TPI1: variants seen among roughly 807,000 people sequenced by gnomAD.
The protein encoded by TPI1 is triosephosphate isomerase 1, also known as triosephosphate isomerase.
TPI1 carries 11 observed loss-of-function variants against 31.0 expected under a neutral mutation model. That is an observed-to-expected ratio of 0.36 (90% CI 0.22 to 0.59). The LOEUF (loss-of-function observed/expected upper bound fraction) is 0.59, where lower values mean the gene tolerates loss of function less well. TPI1 is among the 20% of genes least tolerant of loss of function. The pLI is 0.79. For missense variants in TPI1, 245 were observed against 319.7 expected (o/e 0.77, Z 1.78); for synonymous variants, 121 against 122.8 (o/e 0.99, Z 0.10).
chr12:6,869,480 A>G, intron 4 of TPI1, 90 bp downstream of exon 4: 1 of 1,593,926 alleles, frequency 6.3e-7, no homozygotes, highest in Non-Finnish European at 8.6e-7. Flanking sequence ...CTTGGTCCCC[A>G]TGCTGATCCA....
At position 6,869,846 on chromosome 12, in the gene TPI1, G is replaced by A. The variant is rs2071069; in HGVS notation, c.543+73G>A. Reference sequence around the variant, plus strand: ...GTTTGGACAGACACAGCCCACATGGGGCAACCCCTTATTTCAAAGACACAG... The same window carrying A: ...GTTTGGACAGACACAGCCCACATGGAGCAACCCCTTATTTCAAAGACACAG... On this transcript the variant is annotated intron_variant, in intron 5 of 6. Transcript: ENST00000396705. 0.28 allele frequency: 435,054 copies of A among 1,543,372 alleles called. 63,202 individuals are homozygous for A. Among genetic ancestry groups the A allele is most frequent in the African/African-American group, 0.41 (29,973 of 73,494 alleles).
chr12:6,868,175 C>T (rs1944501592), intron 1 of TPI1: 2 of 1,288,466 alleles, frequency 1.6e-6, no homozygotes, highest in African/African-American at 3.0e-5. Context: ...AGATCTGACC[C>T]CTTCCCTTCG....
chr12:6,868,357 T>A, intron 1 of TPI1: 3 of 1,287,824 alleles, frequency 2.3e-6, no homozygotes, highest in Non-Finnish European at 3.0e-6. Context: ...GATGCTCTCC[T>A]CCATCCTCCT....
At chr12:6,867,755 G>A in intron 1 of TPI1, 74 bp downstream of exon 1, 1 of 1,339,754 alleles carries the variant, frequency 7.5e-7, no homozygotes, top group Middle Eastern at 2.4e-4. Context: ...GCCCTCTCCC[G>A]AGGCCCCGAG....
rs1048689214 is a variant in TPI1, at chr12:6,868,032, G to A, written c.115+351G>A. ...GCTCTGCGGGAGACCGGGGGAGGCT[G>A]GGCCGCGTGGGCTTCCCGCTCCCTG... On this transcript the variant is annotated intron_variant, in intron 1 of 6. Transcript: ENST00000396705. The A allele has an allele frequency of 2.6e-5, 31 of 1,213,868 alleles. No homozygotes were observed. The Admixed American group carries it at 1.1e-3, about 43-fold the overall frequency. 75.2% of individuals were successfully genotyped at this position (1,213,868 alleles called of 1,614,324 possible). A position where few individuals can be genotyped will look rare whatever the true frequency, so the allele number is the denominator to read the frequency against.
rs782063657 is a variant in TPI1, at chr12:6,867,561, A to C, written c.-6A>C. 6.8e-6 allele frequency: 11 copies of C among 1,612,008 alleles called. No homozygotes were observed. The Middle Eastern group carries it at 6.6e-4, about 97-fold the overall frequency. On this transcript the variant is annotated 5_prime_UTR_variant, in exon 1 of 7. Transcript: ENST00000396705. ...CACTGACCTTCAGCGCCTCGGCTCC[A>C]GCGCCATGGCGCCCTCCAGGAAGTT...
chr12:6,870,192 C>T lies in TPI1; in HGVS notation c.631+56C>T, dbSNP rs369053812. 6.9e-6 allele frequency: 11 copies of T among 1,602,866 alleles called. No individual in the cohort carries two copies. The African/African-American group carries it at 1.3e-4, about 19-fold the overall frequency. On this transcript the variant is annotated intron_variant, in intron 6 of 6. Coordinates refer to ENST00000396705, the MANE Select transcript of TPI1 (RefSeq NM_000365.6). ...AGTGGGCTGAGGACTAGACTGAGCC[C>T]TCGGACATGGAGGTGGGGATGGGGC...
chr12:6,867,752 C>T (rs1944489756), intron 1 of TPI1, 71 bp downstream of exon 1: 1 of 1,328,314 alleles, frequency 7.5e-7, no homozygotes, highest in African/African-American at 1.6e-5. Context: ...AGCGCCCTCT[C>T]CCGAGGCCCC....
chr12:6,868,628 G>GT, intron 1 of TPI1: 4 of 1,362,842 alleles, frequency 2.9e-6, no homozygotes, highest in Non-Finnish European at 3.9e-6. Context: ...TAAAAGAGCA[G>GT]AGGGCAGGGT....
At position 6,870,349 on chromosome 12, in the gene TPI1, C is replaced by T; in HGVS notation, c.716C>T (p.Pro239Leu). 6.2e-7 allele frequency: 1 copy of T among 1,614,030 alleles called. No homozygotes were observed. The highest frequency in any genetic ancestry group is 8.5e-7 in the Non-Finnish European group (1 of 1,179,988). Reference sequence around the variant, plus strand: ...CTTGTGGGTGGTGCTTCCCTCAAGCCCGAATTCGTGGACATCATCAATGCC... The same window carrying T: ...CTTGTGGGTGGTGCTTCCCTCAAGCTCGAATTCGTGGACATCATCAATGCC... ...GFLVGGASLK[P>L]EFVDIINAKQ is the part of the protein sequence containing the mutation. The change falls in exon 7 of 7, where the codon CCC becomes CTC. Residue 239 changes from proline to leucine, a missense_variant. This residue lies in a region of TPI1 where 127 missense variants were observed against 163.7 expected (regional missense o/e 0.78). Transcript: ENST00000396705.
Position 6,870,711 on chromosome 12 carries a change from T to G in TPI1, c.*328T>G, listed in dbSNP as rs782682981. ...AGAAGAGAAACCATCCTCTCCCTTCTTACACCGTGAGGCCAAGATCCCCTC... is the reference window on the plus strand; with the variant it reads ...AGAAGAGAAACCATCCTCTCCCTTCGTACACCGTGAGGCCAAGATCCCCTC... On this transcript the variant is annotated 3_prime_UTR_variant, in exon 7 of 7. Transcript: ENST00000396705. The G allele has an allele frequency of 1.3e-4, 73 of 567,072 alleles. 1 individual carries two copies. The highest frequency in any genetic ancestry group is 2.2e-4 in the Non-Finnish European group (64 of 293,586). 35.1% of individuals were successfully genotyped at this position (567,072 alleles called of 1,614,324 possible).
intron 4 of TPI1, 46 bp from the exon 5 acceptor site, chr12:6,869,642 C>T: frequency 6.2e-7 from 1 of 1,605,104 alleles, no homozygotes. Context: ...GGCTGGAGAG[C>T]TCTTTCTTGT....
chr12:6,870,156 G>C lies in TPI1; in HGVS notation c.631+20G>C. 6.2e-7 allele frequency: 1 copy of C among 1,612,038 alleles called. No homozygotes were observed. The highest frequency in any genetic ancestry group is 8.5e-7 in the Non-Finnish European group (1 of 1,178,126). ...ATGGAGGTGAGTGGCTTTGGTTCCCGGCTGAGGTGGAGTGGGCTGAGGACT... is the reference window on the plus strand; with the variant it reads ...ATGGAGGTGAGTGGCTTTGGTTCCCCGCTGAGGTGGAGTGGGCTGAGGACT... On this transcript the variant is annotated intron_variant, in intron 6 of 6. Coordinates refer to ENST00000396705, the MANE Select transcript of TPI1 (RefSeq NM_000365.6).
At chr12:6,868,745 G>A (rs1944514212) in intron 1 of TPI1, 119 bp from the exon 2 acceptor site, 4 of 1,480,432 alleles carry the variant, frequency 2.7e-6, no homozygotes, top group Non-Finnish European at 1.8e-6. Flanking sequence ...TGAAAAGGGG[G>A]AGAGCAGAAC....
intron 4 of TPI1, 89 bp from the exon 5 acceptor site, chr12:6,869,599 G>C (rs1356577870): frequency 2.6e-6 from 4 of 1,527,448 alleles, no homozygotes; most frequent in Non-Finnish European, 3.6e-6. Context: ...CTAGGGGGCA[G>C]TAGGCCACCG....
Position 6,867,669 on chromosome 12 carries a change from C to G in TPI1, c.103C>G (p.Pro35Ala), listed in dbSNP as rs1555131572. Residue 35 changes from proline (P) to alanine (A), a missense_variant, in exon 1 of 7, where the codon CCG (proline) becomes GCG (alanine). Physicochemically the swap from Pro to Ala is conservative, Grantham distance 27 (BLOSUM62 -1). Transcript: ENST00000396705. ...LIGTLNAAKV[P>A]ADTEVVCAPP... Reference sequence around the variant, plus strand: ...CGGCACTCTGAACGCGGCCAAGGTGCCGGCCGACACCGGTAAGCCCTCGCC... The same window carrying G: ...CGGCACTCTGAACGCGGCCAAGGTGGCGGCCGACACCGGTAAGCCCTCGCC... The G allele has an allele frequency of 1.2e-6, 2 of 1,609,136 alleles. No individual in the cohort carries two copies. The highest frequency in any genetic ancestry group is 3.3e-5 in the Admixed American group (2 of 59,744).
At position 6,870,902 on chromosome 12, in the gene TPI1, T is replaced by C. The variant is rs377186570; in HGVS notation, c.*519T>C. 231 of 620,728 alleles carry C rather than the reference T, an allele frequency of 3.7e-4. 3 individuals are homozygous for C. The East Asian group carries it at 7.4e-3, about 20-fold the overall frequency. 38.5% of individuals were successfully genotyped at this position (620,728 alleles called of 1,614,324 possible). ...TTTGAGGCAGCTATATAAATGATCATTTGTGCAAGAAAAAAAAAAAAACAA... is the reference window on the plus strand; with the variant it reads ...TTTGAGGCAGCTATATAAATGATCACTTGTGCAAGAAAAAAAAAAAAACAA... On this transcript the variant is annotated 3_prime_UTR_variant, in exon 7 of 7. Coordinates refer to ENST00000396705, the MANE Select transcript of TPI1 (RefSeq NM_000365.6).
intron 1 of TPI1, chr12:6,868,271 A>C (rs1555131850): frequency 7.8e-7 from 1 of 1,287,514 alleles, no homozygotes; most frequent in East Asian, 5.5e-5. Flanking sequence ...GAGCCATCCT[A>C]CCGCTTTCCC....
chr12:6,867,454 C>T (rs1196146085), upstream of TPI1: 3 of 1,515,300 alleles, frequency 2.0e-6, no homozygotes, highest in Admixed American at 2.0e-5. Context: ...ACTGGGCGGG[C>T]CATGGCGGAG....
Sources: allele counts gnomAD v4.1 joint callset, GRCh38; gene constraint gnomAD v4.1.1; regional missense constraint gnomAD v4.1.1; transcripts MANE v1.5; gene names NCBI Gene and HGNC (gene_info 2026-07-23, HGNC 2026-07-21).